TNRC18: variants seen among roughly 807,000 people sequenced by gnomAD.
TNRC18 encodes the protein trinucleotide repeat-containing gene 18 protein.
A neutral mutation model predicts 226.7 loss-of-function variants in TNRC18; 69 were observed. That is an observed-to-expected ratio of 0.30 (90% CI 0.25 to 0.37). The LOEUF is 0.37. TNRC18 is among the 10% of genes least tolerant of loss of function. The pLI is 1.00. For synonymous variants in TNRC18, 2,449 were observed against 1,927.6 expected (o/e 1.27, Z -7.09); for missense variants, 4,754 against 4,256.6 (o/e 1.12, Z -3.25).
Position 5,389,022 on chromosome 7 carries a change from C to T in TNRC18, c.802G>A (p.Glu268Lys). Residue 268 changes from glutamate (E) to lysine (K), a missense_variant, in exon 5 of 30, where the codon GAG becomes AAG. Transcript: ENST00000430969. ...AGCGCCGCATTCTTGGTCTTGGACT[C>T]AGCCAGGAAGGGCGACAGGCGCTCA... The part of the protein sequence containing the change: ...LAERLSPFLA[E>K]SKTKNAALQP... 1.5e-6 allele frequency: 2 copies of T among 1,327,874 alleles called. No homozygotes were observed. Among genetic ancestry groups the T allele is most frequent in the Non-Finnish European group, 1.9e-6 (2 of 1,030,202 alleles). The allele number at this position is 1,327,874 out of a possible 1,614,324, so 82.3% of individuals were successfully genotyped here.
rs1583982728 is a variant in TNRC18 at position 5,377,620 on chromosome 7, A to C, written c.2256-44T>G. On this transcript the variant is annotated intron_variant, in intron 6 of 29. Coordinates refer to ENST00000430969, the MANE Select transcript of TNRC18 (RefSeq NM_001080495.3). The surrounding 1 kb of genome is among the most constrained non-coding windows in gnomAD (Gnocchi z 5.8). ...GTGTCAGCGACAGCTCGGACAGCCCAGGGGACGAGAGGGAGAAGCGGGGTT... is the reference window on the plus strand; with the variant it reads ...GTGTCAGCGACAGCTCGGACAGCCCCGGGGACGAGAGGGAGAAGCGGGGTT... 6.6e-7 allele frequency: 1 copy of C among 1,523,168 alleles called. No homozygotes were observed. Among genetic ancestry groups the C allele is most frequent in the Non-Finnish European group, 8.9e-7 (1 of 1,125,528 alleles). The allele number at this position is 1,523,168 out of a possible 1,614,324, so 94.4% of individuals were successfully genotyped here. A position where few individuals can be genotyped will look rare whatever the true frequency, so the allele number is the denominator to read the frequency against.
intron 5 of TNRC18, among the ~76,000 whole-genome samples, chr7:5,384,312 GCTGGC>G (rs369524352): frequency 7.8e-4 from 119 of 152,172 alleles, no homozygotes; most frequent in African/African-American, 2.6e-3. Flanking sequence ...GGTCGCCCAG[GCTGGC>G]CTCAACCTCC....
At chr7:5,419,691 T>G (rs1166812637) in intron 2 of TNRC18, 1 of 151,902 alleles carries the variant, frequency 6.6e-6, no homozygotes, top group Non-Finnish European at 1.5e-5. Flanking sequence ...GGCCAAGACC[T>G]GGTTCTTGCG....
Position 5,361,287 on chromosome 7 carries a change from G to A in TNRC18, c.4661+307C>T, listed in dbSNP as rs149059327. Among the ~76,000 whole-genome samples the A allele has an allele frequency of 5.0e-3, 768 of 152,340 alleles. 11 individuals carry two copies. The highest frequency in any genetic ancestry group is 0.017 in the African/African-American group (697 of 41,574). On this transcript the variant is annotated intron_variant, in intron 14 of 29. Coordinates refer to ENST00000430969, the MANE Select transcript of TNRC18 (RefSeq NM_001080495.3). ...GCGGGTCCTTCCGCAGGGAGGAGGC[G>A]CGTGGAAAAGAGGAGGAATTAGGCC...
chr7:5,348,432 C>G (rs1018041488), intron 17 of TNRC18, among the ~76,000 whole-genome samples: 3 of 152,118 alleles, frequency 2.0e-5, no homozygotes, highest in Non-Finnish European at 2.9e-5. Flanking sequence ...GATAGACAGA[C>G]GGGGAAGACG....
intron 19 of TNRC18, chr7:5,329,881 C>T: frequency 2.1e-6 from 1 of 469,592 alleles, no homozygotes; most frequent in South Asian, 1.6e-5. Flanking sequence ...CAATTCCTGG[C>T]ATCTGAACAG....
At chr7:5,344,271 C>T (rs970829254) in intron 18 of TNRC18, among the ~76,000 whole-genome samples, 1 of 152,180 alleles carries the variant, frequency 6.6e-6, no homozygotes, top group Non-Finnish European at 1.5e-5. Context: ...ACAGGTAGCA[C>T]TGATCAGAGG....
intron 16 of TNRC18, among the ~76,000 whole-genome samples, 173 bp downstream of exon 16, chr7:5,356,743 C>A (rs1198073505): frequency 3.9e-5 from 6 of 152,198 alleles, no homozygotes; most frequent in Admixed American, 6.5e-5. Context: ...CGGCCTCCCC[C>A]CCCACTTCCG....
In TNRC18 at chr7:5,313,052, G is replaced by A. The variant is rs1787430025; in HGVS notation, c.7839C>T (p.Ala2613=). The change falls in exon 27 of 30, where the codon GCC becomes GCT. Residue 2613 remains alanine, a synonymous_variant. Coordinates refer to ENST00000430969, the MANE Select transcript of TNRC18 (RefSeq NM_001080495.3). The part of the protein sequence containing the change: ...SAASSRAASP[A]SSSSSSSSSS... ...AGGAGGATGAGGAGGAGGAGGAGGA[G>A]GCCGGTGAGGCCGCCCTGGAGCTGG... 3.0e-6 allele frequency: 3 copies of A among 1,004,716 alleles called. No homozygotes were observed. Among genetic ancestry groups the A allele is most frequent in the South Asian group, 1.4e-5 (1 of 73,478 alleles). The allele number at this position is 1,004,716 out of a possible 1,614,324, so 62.2% of individuals were successfully genotyped here. A position where few individuals can be genotyped will look rare whatever the true frequency, so the allele number is the denominator to read the frequency against.
At chr7:5,327,580 T>C (rs1010704284) in intron 19 of TNRC18, among the ~76,000 whole-genome samples, 2 of 151,952 alleles carry the variant, frequency 1.3e-5, no homozygotes, top group African/African-American at 4.8e-5. Context: ...CCTGCAGCTG[T>C]ACCCACAGGG....
In TNRC18 at chr7:5,362,182, A is replaced by G. The variant is rs370667907; in HGVS notation, c.4396-149T>C. The G allele has an allele frequency of 1.8e-5, 18 of 973,904 alleles. No individual in the cohort carries two copies. The African/African-American group carries it at 2.5e-4, about 13-fold the overall frequency. 60.3% of individuals were successfully genotyped at this position (973,904 alleles called of 1,614,324 possible). A position where few individuals can be genotyped will look rare whatever the true frequency, so the allele number is the denominator to read the frequency against. On this transcript the variant is annotated intron_variant, in intron 12 of 29. Transcript: ENST00000430969. ...CCGCTGCCACCTCCTGACTGTGGCCATGGCCTCATCGTATGCAAGGGACCC... is the reference window on the plus strand; with the variant it reads ...CCGCTGCCACCTCCTGACTGTGGCCGTGGCCTCATCGTATGCAAGGGACCC...
chr7:5,415,369 CTTTTTTTTTTTT>C (rs368389351), intron 2 of TNRC18, among the ~76,000 whole-genome samples: 1,882 of 83,222 alleles, frequency 0.023, 67 homozygotes, highest in African/African-American at 0.092. Flanking sequence ...CTGTGTCCCT[CTTTTTTTTTTTT>C]TTTTTTTTTT....
At chr7:5,415,905 G>C (rs1433296114) in intron 2 of TNRC18, among the ~76,000 whole-genome samples, 5 of 147,574 alleles carry the variant, frequency 3.4e-5, no homozygotes, top group Admixed American at 3.4e-4. Flanking sequence ...CCAGGAGTTC[G>C]AGACCAGCCT....
At chr7:5,326,403 C>T (rs764372834) in intron 19 of TNRC18, among the ~76,000 whole-genome samples, 3 of 152,098 alleles carry the variant, frequency 2.0e-5, no homozygotes, top group Non-Finnish European at 2.9e-5. Context: ...ACCACCCCCG[C>T]GATGAGAAGG....
At chr7:5,409,792 T>C (rs536884612) in intron 2 of TNRC18, among the ~76,000 whole-genome samples, 13 of 132,378 alleles carry the variant, frequency 9.8e-5, no homozygotes, top group Non-Finnish European at 2.1e-4. Context: ...GTGGCTAACA[T>C]GGTGAAACCC....
chr7:5,415,987 G>A (rs112938603), intron 2 of TNRC18, among the ~76,000 whole-genome samples: 2,050 of 151,310 alleles, frequency 0.014, 49 homozygotes, highest in African/African-American at 0.047. Flanking sequence ...GGTGGCAGGC[G>A]CCTGTAATCC....
intron 8 of TNRC18, 65 bp downstream of exon 8, chr7:5,376,782 T>TCA (rs1779007932): frequency 1.3e-6 from 2 of 1,565,306 alleles, no homozygotes; most frequent in Admixed American, 3.8e-5. Context: ...GCCCTTGGCA[T>TCA]CAGAGACCAT....
chr7:5,379,197 T>C (rs2128183447), intron 5 of TNRC18, among the ~76,000 whole-genome samples: 1 of 140,900 alleles, frequency 7.1e-6, no homozygotes, highest in Non-Finnish European at 1.6e-5. Context: ...TAAGACTCCG[T>C]CAAAAAAAAA....
At chr7:5,351,637 C>A (rs1791825152) in intron 17 of TNRC18, among the ~76,000 whole-genome samples, 182 bp downstream of exon 17, 4 of 152,214 alleles carry the variant, frequency 2.6e-5, no homozygotes, top group Admixed American at 2.6e-4. Context: ...AAATCAAAAT[C>A]ATTCGGCTGA....
Sources: gnomAD v4.1 joint callset for allele counts (sites outside exome capture counted in the v4.1 genomes callset) on GRCh38, gnomAD v4.1.1 for gene constraint, Gnocchi (gnomAD v3.1) non-coding constraint, MANE v1.5 for transcripts, NCBI Gene and HGNC (gene_info 2026-07-23, HGNC 2026-07-21) for gene names.